APOOL: variants seen among roughly 807,000 people sequenced by gnomAD.
The protein encoded by APOOL is MICOS complex subunit MIC27.
Under a neutral mutation model 23.1 loss-of-function variants are expected in APOOL, and 12 were observed. That is an observed-to-expected ratio of 0.52 (90% CI 0.33 to 0.84). The LOEUF is 0.84. APOOL is among the 40% of genes least tolerant of loss of function. The pLI is 0.02. For synonymous variants in APOOL, 77 were observed against 69.9 expected (o/e 1.10, Z -0.51); for missense variants, 212 against 199.6 (o/e 1.06, Z -0.37).
chrX:85,087,977 T>G lies in APOOL; in HGVS notation c.*299T>G, dbSNP rs1002541555. ...AATGAAGACATGAATTCTAGTGAGA[T>G]TAAAATCTAAAAATACATATATATA... On this transcript the variant is annotated 3_prime_UTR_variant, in exon 9 of 9. Transcript: ENST00000373173. 2 of 129,857 alleles carry G rather than the reference T, an allele frequency of 1.5e-5. No individual in the cohort carries two copies. The highest frequency in any genetic ancestry group is 9.4e-5 in the Admixed American group (1 of 10,645). 10.7% of individuals were successfully genotyped at this position (129,857 alleles called of 1,213,427 possible).
intron 5 of APOOL, among the ~76,000 whole-genome samples, chrX:85,065,093 T>A (rs1261698486): frequency 8.9e-6 from 1 of 111,961 alleles, no homozygotes; most frequent in Admixed American, 9.5e-5. Flanking sequence ...TTAGGATAGT[T>A]AGCTCTTCTT....
At chrX:85,010,980 C>T (rs1392983856) in intron 1 of APOOL, among the ~76,000 whole-genome samples, 2 of 111,816 alleles carry the variant, frequency 1.8e-5, no homozygotes, top group Non-Finnish European at 3.8e-5. Flanking sequence ...AAAAGTGTTC[C>T]CTTTTCACCA....
At chrX:85,078,027 C>T (rs1310846016) in intron 8 of APOOL, among the ~76,000 whole-genome samples, 2 of 111,388 alleles carry the variant, frequency 1.8e-5, no homozygotes, top group Non-Finnish European at 3.8e-5. Context: ...AATTTTCTCC[C>T]ATTCTGTAGG....
intron 1 of APOOL, among the ~76,000 whole-genome samples, chrX:85,006,872 A>G (rs1367084200): frequency 1.8e-5 from 2 of 111,892 alleles, no homozygotes; most frequent in Non-Finnish European, 3.8e-5. Flanking sequence ...CTGAAATCAC[A>G]TGGTATGAGT....
At chrX:85,005,685 G>A (rs773286237) in intron 1 of APOOL, among the ~76,000 whole-genome samples, 1 of 111,684 alleles carries the variant, frequency 9.0e-6, no homozygotes, top group South Asian at 3.7e-4. Context: ...TGAATAAAGT[G>A]CCAGGCAATG....
At position 85,003,947 on chromosome X, in the gene APOOL, C is replaced by A. The variant is rs756414832; in HGVS notation, c.15+20C>A. 2.5e-6 allele frequency: 3 copies of A among 1,209,700 alleles called. No individual in the cohort carries two copies. In the East Asian group the frequency reaches 8.9e-5, roughly 36 times the overall value. On this transcript the variant is annotated intron_variant, in intron 1 of 8. Transcript: ENST00000373173. ...ATCAGGGTAAGCGAAAACCAACTTG[C>A]TTAATTTCTGTGGGTGCCGATAGCA...
rs1275978291 is a variant in APOOL at position 85,090,696 on chromosome X, G to C, written c.*3018G>C. On this transcript the variant is annotated 3_prime_UTR_variant, in exon 9 of 9. Transcript: ENST00000373173. ...ATTGCCTCTTTCTCTGCCTGTGCTA[G>C]TGTGTCCTCTTAGAATGTTCTTCCA... 1 of 111,795 alleles carries C rather than the reference G, an allele frequency of 8.9e-6. No homozygotes were observed. Among genetic ancestry groups the C allele is most frequent in the Non-Finnish European group, 1.9e-5 (1 of 53,224 alleles). The allele number at this position is 111,795 out of a possible 1,213,427, so 9.2% of individuals were successfully genotyped here. A position where few individuals can be genotyped will look rare whatever the true frequency, so the allele number is the denominator to read the frequency against.
intron 8 of APOOL, among the ~76,000 whole-genome samples, chrX:85,081,886 A>G (rs1419235271): frequency 1.8e-5 from 2 of 111,857 alleles, no homozygotes; most frequent in Non-Finnish European, 3.8e-5. Flanking sequence ...GATCAAATCA[A>G]CTGTTGAAGC....
In APOOL at chrX:85,055,906, C is replaced by T; in HGVS notation, c.375C>T (p.Gly125=). ...TTATTACAGTTTCAGGATTGGCGGG[C>T]TTGGTTTCAGCGAGAAAAGGTAGGG... is the stretch of plus-strand genomic sequence containing the variant. ...MGVITVSGLA[G]LVSARKGSKF... is the part of the protein sequence containing the mutation. Residue 125 remains glycine (G), a synonymous_variant, in exon 5 of 9, where the codon GGC becomes GGT. Transcript: ENST00000373173. The T allele has an allele frequency of 8.4e-7, 1 of 1,195,048 alleles. No individual in the cohort carries two copies. Among genetic ancestry groups the T allele is most frequent in the Non-Finnish European group, 1.1e-6 (1 of 887,749 alleles).
rs138482486 is a variant in APOOL at position 85,051,809 on chromosome X, G to A, written c.240+301G>A. Among the ~76,000 whole-genome samples, 339 of 111,621 alleles carry A rather than the reference G, an allele frequency of 3.0e-3. 5 individuals carry two copies. Among genetic ancestry groups the A allele is most frequent in the Admixed American group, 0.02 (205 of 10,476 alleles). The stretch of plus-strand genomic sequence containing the variant: ...TTGTTAAGGATGGCTGGATGACTGG[G>A]TTCAGCTGGGATTATTGACTAGAAC... On this transcript the variant is annotated intron_variant, in intron 3 of 8. Coordinates refer to ENST00000373173, the MANE Select transcript of APOOL (RefSeq NM_198450.6).
At chrX:85,007,598 T>C (rs1921121524) in intron 1 of APOOL, among the ~76,000 whole-genome samples, 1 of 111,350 alleles carries the variant, frequency 9.0e-6, no homozygotes, top group African/African-American at 3.3e-5. Flanking sequence ...TTTGTGGAGA[T>C]CATGGTGCTT....
At chrX:85,013,533 C>G (rs1921360871) in intron 1 of APOOL, among the ~76,000 whole-genome samples, 1 of 111,298 alleles carries the variant, frequency 9.0e-6, no homozygotes, top group Non-Finnish European at 1.9e-5. Context: ...TACTGTTATT[C>G]AGGTCAAAGA....
At chrX:85,041,889 C>T (rs1922411340) in intron 1 of APOOL, among the ~76,000 whole-genome samples, 1 of 110,929 alleles carries the variant, frequency 9.0e-6, no homozygotes, top group Non-Finnish European at 1.9e-5. Context: ...CTTTTCTGCT[C>T]TCTGTGGGTC....
intron 8 of APOOL, among the ~76,000 whole-genome samples, chrX:85,076,440 A>T (rs1923838431): frequency 9.1e-6 from 1 of 109,921 alleles, no homozygotes; most frequent in African/African-American, 3.3e-5. Flanking sequence ...GGGGCAAGTT[A>T]TCAAACACCT....
intron 8 of APOOL, among the ~76,000 whole-genome samples, chrX:85,078,557 T>G (rs1356991451): frequency 9.0e-6 from 1 of 111,505 alleles, no homozygotes; most frequent in African/African-American, 3.3e-5. Context: ...GGCTTAGGAT[T>G]GACTTGGCGA....
chrX:85,009,172 A>G (rs1569452355), intron 1 of APOOL, among the ~76,000 whole-genome samples: 3 of 111,692 alleles, frequency 2.7e-5, no homozygotes, highest in African/African-American at 9.7e-5. Flanking sequence ...AAGATCTTCT[A>G]TGTATAATAT....
At chrX:85,048,887 ACT>A (rs1295671590) in intron 2 of APOOL, among the ~76,000 whole-genome samples, 1 of 110,458 alleles carries the variant, frequency 9.1e-6, no homozygotes, top group African/African-American at 3.3e-5. Context: ...TTAATAGAAA[ACT>A]CTGTAGCACC....
At chrX:85,040,536 G>A (rs145893103) in intron 1 of APOOL, among the ~76,000 whole-genome samples, 2 of 111,921 alleles carry the variant, frequency 1.8e-5, no homozygotes, top group East Asian at 2.8e-4. Flanking sequence ...ATGCCAGTGA[G>A]TCATTGGTTT....
intron 1 of APOOL, among the ~76,000 whole-genome samples, chrX:85,026,678 T>C (rs1921856758): frequency 8.9e-6 from 1 of 111,842 alleles, no homozygotes; most frequent in Admixed American, 9.5e-5. Flanking sequence ...GGCTAGGTCA[T>C]CAGATCCCTA....
Sources: gnomAD v4.1 joint callset for allele counts (sites outside exome capture counted in the v4.1 genomes callset) on GRCh38, gnomAD v4.1.1 for gene constraint, MANE v1.5 for transcripts, NCBI Gene and HGNC (gene_info 2026-07-23, HGNC 2026-07-21) for gene names.